FRK: variants seen among roughly 807,000 people sequenced by gnomAD.
FRK encodes fyn related Src family tyrosine kinase, also known as tyrosine-protein kinase FRK.
In FRK, 51 loss-of-function variants were observed where a neutral mutation model predicts 56.4. That is an observed-to-expected ratio of 0.90 (90% CI 0.72 to 1.14). The LOEUF is 1.14. Ranked by LOEUF, FRK falls within the 50% of genes most tolerant of loss-of-function variation. The pLI, the probability that FRK is intolerant of heterozygous loss-of-function variation, is 0.00. For synonymous variants in FRK, 245 were observed against 217.9 expected (o/e 1.12, Z -1.10); for missense variants, 570 against 601.4 (o/e 0.95, Z 0.55).
At chr6:116,017,190 G>A (rs182943236) in intron 1 of FRK, among the ~76,000 whole-genome samples, 19 of 152,168 alleles carry the variant, frequency 1.2e-4, no homozygotes, top group South Asian at 1.2e-3. Context: ...ACACACACCC[G>A]TGTTACTGTT....
At chr6:115,959,749 A>G (rs1348879127) in intron 4 of FRK, among the ~76,000 whole-genome samples, 1 of 152,178 alleles carries the variant, frequency 6.6e-6, no homozygotes, top group East Asian at 1.9e-4. Flanking sequence ...AACCCTAGAA[A>G]TTAGGAACTA....
chr6:115,962,426 G>A (rs1773414028), intron 4 of FRK, among the ~76,000 whole-genome samples: 2 of 139,664 alleles, frequency 1.4e-5, no homozygotes, highest in South Asian at 5.1e-4. Flanking sequence ...AAGAGACTTA[G>A]ACTCCCACAC....
rs963927155 is a variant in FRK, at chr6:115,931,690, T to C, written c.*10724A>G. On this transcript the variant is annotated 3_prime_UTR_variant, in exon 8 of 8. Transcript: ENST00000606080. ...TTCTACTCTGAAATTTTGTGGACCA[T>C]AAAAATTAAATGTAACTTGGTTAAT... 5.3e-5 allele frequency: 8 copies of C among 152,342 alleles called. No homozygotes were observed. Among genetic ancestry groups the C allele is most frequent in the African/African-American group, 1.2e-4 (5 of 41,606 alleles). The allele number at this position is 152,342 out of a possible 1,614,324, so 9.4% of individuals were successfully genotyped here.
chr6:116,094,182 C>T, the FRK span, among the ~76,000 whole-genome samples: 7 of 152,164 alleles, frequency 4.6e-5, no homozygotes, highest in East Asian at 3.8e-4. Flanking sequence ...TCCACTATGC[C>T]GAGGCAATCA....
intron 2 of FRK, among the ~76,000 whole-genome samples, chr6:115,974,296 G>T (rs1379333124): frequency 6.6e-6 from 1 of 152,174 alleles, no homozygotes; most frequent in African/African-American, 2.4e-5. Flanking sequence ...AGGGGTTAAA[G>T]TGTGCTTTGT....
At position 116,047,736 on chromosome 6, in the gene FRK, T is replaced by C. The variant is rs78537991; in HGVS notation, c.344+12232A>G. 3.2e-4 allele frequency among the ~76,000 whole-genome samples: 49 copies of C among 152,354 alleles called. 1 individual carries two copies. In the East Asian group the frequency reaches 9.1e-3, roughly 28 times the overall value. On this transcript the variant is annotated intron_variant, in intron 1 of 7. Transcript: ENST00000606080. ...GAGTCAGCTGGGCCAGTAGGACATCTCTTCACATAGTCTCACTTCCTCCTG... is the reference window on the plus strand; with the variant it reads ...GAGTCAGCTGGGCCAGTAGGACATCCCTTCACATAGTCTCACTTCCTCCTG...
chr6:116,010,370 T>C (rs1006044161), intron 1 of FRK, among the ~76,000 whole-genome samples: 1 of 152,238 alleles, frequency 6.6e-6, no homozygotes, highest in African/African-American at 2.4e-5. Context: ...TGTAGATTAC[T>C]TTAAAATGTA....
At chr6:116,086,890 C>G in the FRK span, among the ~76,000 whole-genome samples, 1 of 152,168 alleles carries the variant, frequency 6.6e-6, no homozygotes, top group Non-Finnish European at 1.5e-5. Flanking sequence ...TAACTTAGAG[C>G]TGGAGGAGAA....
chr6:115,993,299 T>G (rs1190352555), intron 2 of FRK, among the ~76,000 whole-genome samples: 1 of 151,914 alleles, frequency 6.6e-6, no homozygotes, highest in Non-Finnish European at 1.5e-5. Context: ...AAATAAGTTA[T>G]GAGAAAAATA....
At chr6:115,989,243 TA>T (rs1774503233) in intron 2 of FRK, among the ~76,000 whole-genome samples, 2 of 151,924 alleles carry the variant, frequency 1.3e-5, no homozygotes, top group Admixed American at 1.3e-4. Flanking sequence ...TTTTATTTGC[TA>T]AATGGTTCAA....
At chr6:116,043,670 T>C (rs1032407843) in intron 1 of FRK, among the ~76,000 whole-genome samples, 1 of 151,844 alleles carries the variant, frequency 6.6e-6, no homozygotes, top group Non-Finnish European at 1.5e-5. Flanking sequence ...ACATTGCAAT[T>C]AAAAGTATTA....
chr6:115,996,550 C>G (rs1359793755), intron 2 of FRK, among the ~76,000 whole-genome samples: 1 of 152,042 alleles, frequency 6.6e-6, no homozygotes, highest in Non-Finnish European at 1.5e-5. Context: ...AATTGTCTTT[C>G]TAAAATAAGT....
intron 1 of FRK, among the ~76,000 whole-genome samples, chr6:116,023,994 A>C (rs1775977423): frequency 6.6e-6 from 1 of 151,934 alleles, no homozygotes; most frequent in South Asian, 2.1e-4. Context: ...ATTCCACTGA[A>C]AACTTTGATC....
At chr6:116,013,263 G>A (rs1775537627) in intron 1 of FRK, among the ~76,000 whole-genome samples, 1 of 152,072 alleles carries the variant, frequency 6.6e-6, no homozygotes, top group African/African-American at 2.4e-5. Context: ...CTCACAAGAA[G>A]TTTACAAAGA....
At chr6:116,051,193 T>G (rs1252186649) in intron 1 of FRK, among the ~76,000 whole-genome samples, 1 of 152,174 alleles carries the variant, frequency 6.6e-6, no homozygotes, top group Non-Finnish European at 1.5e-5. Context: ...ATACCTAGTA[T>G]AAAGTTCAAA....
rs1485878011 is a variant in FRK at position 115,968,752 on chromosome 6, A to G, written c.467-13T>C. The G allele has an allele frequency of 1.4e-5, 22 of 1,606,818 alleles. No homozygotes were observed. Among genetic ancestry groups the G allele is most frequent in the Non-Finnish European group, 1.9e-5 (22 of 1,176,330 alleles). ...GCTCCATCTAAAACTGGAACCCAAA[A>G]TAATTCCTGTTAATAAACTTCTTGC... On this transcript the variant is annotated splice_polypyrimidine_tract_variant and intron_variant, in intron 2 of 7. Transcript: ENST00000606080.
In FRK at chr6:116,056,163, G is replaced by C. The variant is rs73772217; in HGVS notation, c.344+3805C>G. Among the ~76,000 whole-genome samples, 650 of 150,402 alleles carry C rather than the reference G, an allele frequency of 4.3e-3. 7 individuals are homozygous for C. Among genetic ancestry groups the C allele is most frequent in the African/African-American group, 0.015 (631 of 40,882 alleles). On this transcript the variant is annotated intron_variant, in intron 1 of 7. Transcript: ENST00000606080. ...AAAAGTATGTTAGACAACACCTAAGGTACACTTTAACAATTAAGCAAAAAA... is the reference window on the plus strand; with the variant it reads ...AAAAGTATGTTAGACAACACCTAAGCTACACTTTAACAATTAAGCAAAAAA...
chr6:116,039,598 G>C (rs140863520), intron 1 of FRK: 310 of 783,512 alleles, frequency 4.0e-4, no homozygotes, highest in Non-Finnish European at 6.2e-4. Flanking sequence ...GGTGTCATCT[G>C]CCCCCTCTTG....
At chr6:115,958,758 A>G (rs1376349541) in intron 4 of FRK, among the ~76,000 whole-genome samples, 3 of 39,668 alleles carry the variant, frequency 7.6e-5, no homozygotes, top group Admixed American at 6.1e-4. Flanking sequence ...AAAGAAAGAA[A>G]GAAAGAAAGA....
Sources: allele counts gnomAD v4.1 joint callset (sites outside exome capture counted in the v4.1 genomes callset), GRCh38; gene constraint gnomAD v4.1.1; transcripts MANE v1.5; gene names NCBI Gene and HGNC (gene_info 2026-07-23, HGNC 2026-07-21).